The following SMCO3 variants were observed in gnomAD, a reference collection of about 807,000 sequenced individuals.
The protein encoded by SMCO3 is single-pass membrane protein with coiled-coil domains 3.
In SMCO3, 6 loss-of-function variants were observed where a neutral mutation model predicts 12.0. That is an observed-to-expected ratio of 0.50 (90% confidence interval 0.27 to 0.99). The LOEUF (loss-of-function observed/expected upper bound fraction) is 0.99, where lower values mean the gene tolerates loss of function less well. Among genes scored for constraint, SMCO3 ranks in the 50% least tolerant of loss-of-function variants. The pLI is 0.11. For synonymous variants in SMCO3, 96 were observed against 96.4 expected, an observed-to-expected ratio of 1.00 and a Z score of 0.02; for missense variants, 279 against 265.0, an observed-to-expected ratio of 1.05 and a Z score of -0.37.
rs1234400749 is a variant in SMCO3 at position 14,806,112 on chromosome 12, G to A, written c.569C>T (p.Ala190Val). 3 of 1,614,022 alleles carry A rather than the reference G, an allele frequency of 1.9e-6. No individual in the cohort carries two copies. The African/African-American group carries it at 4.0e-5, about 22-fold the overall frequency. ...ATGCTTCTCATAACTTTTGATGGCTGCTTGAAGCTGTGTTTTTTCCACTGC... is the reference window on the plus strand; with the variant it reads ...ATGCTTCTCATAACTTTTGATGGCTACTTGAAGCTGTGTTTTTTCCACTGC... ...LGAVEKTQLQ[A>V]AIKSYEKHLV... The change falls in exon 2 of 2, where the codon GCA (alanine) becomes GTA (valine). Residue 190 changes from alanine to valine, a missense_variant. Transcript: ENST00000316048.
intron 1 of SMCO3, among the ~76,000 whole-genome samples, chr12:14,810,445 T>C (rs1950119112): frequency 6.6e-6 from 1 of 152,202 alleles, no homozygotes; most frequent in African/African-American, 2.4e-5. Flanking sequence ...ACTTACCACG[T>C]GTAAGGTCAT....
chr12:14,805,703 C>A lies in SMCO3; in HGVS notation c.*300G>T. On this transcript the variant is annotated 3_prime_UTR_variant, in exon 2 of 2. Coordinates refer to ENST00000316048, the MANE Select transcript of SMCO3 (RefSeq NM_001013698.2). ...GAAATTAGAAAAGAGAAAAGTAACCCCTATACTTGCTACTCTACGATAGCA... is the reference window on the plus strand; with the variant it reads ...GAAATTAGAAAAGAGAAAAGTAACCACTATACTTGCTACTCTACGATAGCA... 1 of 282,644 alleles carries A rather than the reference C, an allele frequency of 3.5e-6. No individual in the cohort carries two copies. The highest frequency in any genetic ancestry group is 6.8e-5 in the East Asian group (1 of 14,650). The allele number at this position is 282,644 out of a possible 1,614,324, so 17.5% of individuals were successfully genotyped here.
intron 1 of SMCO3, among the ~76,000 whole-genome samples, chr12:14,809,279 C>G (rs565443906): frequency 6.6e-6 from 1 of 152,294 alleles, no homozygotes; most frequent in African/African-American, 2.4e-5. Flanking sequence ...GTGGTCGGCT[C>G]CTTTTCAATT....
rs201197590 is a variant in SMCO3, at chr12:14,806,637, C to T, written c.44G>A (p.Arg15Gln). ...DFLYPENPKR[R>Q]EEVNRLHQQL... ...CTGGTGAAGACGATTTACTTCTTCC[C>T]GCCTTTTTGGGTTCTCTGGGTAAAG... Residue 15 changes from arginine (R) to glutamine (Q), a missense_variant, in exon 2 of 2, where the codon CGG (arginine) becomes CAG (glutamine). By Grantham distance (43) the Arg-to-Gln change is conservative. Coordinates refer to ENST00000316048, the MANE Select transcript of SMCO3 (RefSeq NM_001013698.2). 12 of 1,610,876 alleles carry T rather than the reference C, an allele frequency of 7.4e-6. No individual in the cohort carries two copies. The highest frequency in any genetic ancestry group is 6.7e-5 in the East Asian group (3 of 44,854).
In SMCO3 at chr12:14,810,103, T is replaced by C. The variant is rs138399995; in HGVS notation, c.-16-3407A>G. 3.3e-5 allele frequency among the ~76,000 whole-genome samples: 5 copies of C among 152,340 alleles called. No homozygotes were observed. The East Asian group carries it at 9.6e-4, about 29-fold the overall frequency. The stretch of plus-strand genomic sequence containing the variant: ...GTTATGATGTGCTAAGAATTATGTT[T>C]CCCTTATAATGAAAAAGGACTTTTA... On this transcript the variant is annotated intron_variant, in intron 1 of 1. Coordinates refer to ENST00000316048, the MANE Select transcript of SMCO3 (RefSeq NM_001013698.2).
chr12:14,807,084 G>C (rs1456931251), intron 1 of SMCO3, among the ~76,000 whole-genome samples: 1 of 152,156 alleles, frequency 6.6e-6, no homozygotes, highest in East Asian at 1.9e-4. Context: ...CACCTGCCTT[G>C]GCCTCCCAAA....
chr12:14,811,359 G>A (rs776629001), intron 1 of SMCO3, among the ~76,000 whole-genome samples: 3 of 152,174 alleles, frequency 2.0e-5, no homozygotes, highest in Non-Finnish European at 4.4e-5. Flanking sequence ...TGGAGCAGCT[G>A]TGCTTTCTCT....
At chr12:14,808,555 G>T (rs1328125677) in intron 1 of SMCO3, among the ~76,000 whole-genome samples, 1 of 152,078 alleles carries the variant, frequency 6.6e-6, no homozygotes, top group Non-Finnish European at 1.5e-5. Flanking sequence ...ATGGAATGTA[G>T]GAATGAAGAT....
In SMCO3 at chr12:14,806,563, T is replaced by C. The variant is rs1452502256; in HGVS notation, c.118A>G (p.Thr40Ala). The C allele has an allele frequency of 6.2e-7, 1 of 1,614,166 alleles. No individual in the cohort carries two copies. Among genetic ancestry groups the C allele is most frequent in the Admixed American group, 1.7e-5 (1 of 60,024 alleles). ...CCCAAGTGCATATTTAGAACCTCAG[T>C]CAGCTTATTGGTGACATCGAAGCTG... The part of the protein sequence containing the change: ...SDSFDVTNKL[T>A]EVLNMHLGCR... Residue 40 changes from threonine (T) to alanine (A), a missense_variant, in exon 2 of 2, where the codon ACT becomes GCT. Physicochemically the swap from Thr to Ala is moderately conservative, Grantham distance 58. Coordinates refer to ENST00000316048, the MANE Select transcript of SMCO3 (RefSeq NM_001013698.2).
chr12:14,810,145 C>T lies in SMCO3; in HGVS notation c.-16-3449G>A, dbSNP rs1164297740. On this transcript the variant is annotated intron_variant, in intron 1 of 1. Transcript: ENST00000316048. ...GGACTTTTATTCTGAGTCAGACTTACCTTCCTAGCTTTTTTCCTTGGGTGG... is the reference window on the plus strand; with the variant it reads ...GGACTTTTATTCTGAGTCAGACTTATCTTCCTAGCTTTTTTCCTTGGGTGG... Among the ~76,000 whole-genome samples, 3 of 152,160 alleles carry T rather than the reference C, an allele frequency of 2.0e-5. No individual in the cohort carries two copies. The East Asian group carries it at 5.8e-4, about 29-fold the overall frequency.
intron 1 of SMCO3, among the ~76,000 whole-genome samples, chr12:14,807,769 A>G (rs1439421608): frequency 6.6e-6 from 1 of 152,214 alleles, no homozygotes; most frequent in Non-Finnish European, 1.5e-5. Context: ...TGCAAAGCTT[A>G]TAAATTAAAT....
In SMCO3 at chr12:14,806,124, G is replaced by GT; in HGVS notation, c.556dup (p.Thr186AsnfsTer11). On this transcript the variant is annotated frameshift_variant, in exon 2 of 2. Transcript: ENST00000316048. LOFTEE classifies it high-confidence loss of function. ...ACTTTTGATGGCTGCTTGAAGCTGT[G>GT]TTTTTTCCACTGCTCCCAGGATGGC... 1 of 1,614,118 alleles carries GT rather than the reference G, an allele frequency of 6.2e-7. No homozygotes were observed. Among genetic ancestry groups the GT allele is most frequent in the African/African-American group, 1.3e-5 (1 of 75,020 alleles).
intron 1 of SMCO3, among the ~76,000 whole-genome samples, chr12:14,809,308 A>G (rs1714493316): frequency 6.6e-6 from 1 of 152,194 alleles, no homozygotes. Flanking sequence ...GTTTTAGCAC[A>G]ACTTCACGAA....
intron 1 of SMCO3, among the ~76,000 whole-genome samples, chr12:14,812,912 T>A (rs1180084976): frequency 6.6e-6 from 1 of 152,160 alleles, no homozygotes; most frequent in Non-Finnish European, 1.5e-5. Context: ...GTTTAAATAT[T>A]GTTGATTTGG....
chr12:14,808,196 A>T (rs1950082491), intron 1 of SMCO3, among the ~76,000 whole-genome samples: 1 of 152,092 alleles, frequency 6.6e-6, no homozygotes, highest in Non-Finnish European at 1.5e-5. Flanking sequence ...AGTACATCAT[A>T]GAATGAATAA....
chr12:14,804,684 A>G lies in SMCO3; in HGVS notation c.*1319T>C, dbSNP rs1252987556. On this transcript the variant is annotated 3_prime_UTR_variant, in exon 2 of 2. Coordinates refer to ENST00000316048, the MANE Select transcript of SMCO3 (RefSeq NM_001013698.2). ...AGCTAAGTTGTAATGTTTTGCAACT[A>G]GTTTTTTTTCTTTCCTAACACATTA... 6.6e-6 allele frequency: 1 copy of G among 152,228 alleles called. No homozygotes were observed. The highest frequency in any genetic ancestry group is 2.4e-5 in the African/African-American group (1 of 41,464). The allele number at this position is 152,228 out of a possible 1,614,324, so 9.4% of individuals were successfully genotyped here.
intron 1 of SMCO3, among the ~76,000 whole-genome samples, chr12:14,810,116 A>G (rs948779125): frequency 6.6e-6 from 1 of 152,224 alleles, no homozygotes; most frequent in Admixed American, 6.5e-5. Flanking sequence ...CTTATAATGA[A>G]AAAGGACTTT....
intron 1 of SMCO3, among the ~76,000 whole-genome samples, chr12:14,811,221 T>G (rs1950130972): frequency 6.6e-6 from 1 of 152,226 alleles, no homozygotes; most frequent in Admixed American, 6.5e-5. Context: ...ATTATTTGAA[T>G]ATTTTCTTGT....
At chr12:14,807,076 C>T (rs1479245628) in intron 1 of SMCO3, among the ~76,000 whole-genome samples, 1 of 152,212 alleles carries the variant, frequency 6.6e-6, no homozygotes, top group Non-Finnish European at 1.5e-5. Context: ...AGGTAATCCA[C>T]CTGCCTTGGC....
Sources: allele counts gnomAD v4.1 joint callset (sites outside exome capture counted in the v4.1 genomes callset), GRCh38; gene constraint gnomAD v4.1.1; transcripts MANE v1.5; gene names NCBI Gene and HGNC (gene_info 2026-07-23, HGNC 2026-07-21).